The following ANKFY1 variants were observed in gnomAD, a reference collection of about 807,000 sequenced individuals.
The protein encoded by ANKFY1 is ankyrin repeat and FYVE domain-containing protein 1.
Under a neutral mutation model 128.3 loss-of-function variants are expected in ANKFY1, and 47 were observed. The ratio of observed to expected loss-of-function variants is 0.37; its 90% confidence interval spans 0.29 to 0.47. The LOEUF (loss-of-function observed/expected upper bound fraction) is 0.47, where lower values mean the gene tolerates loss of function less well. ANKFY1 is among the 20% of genes least tolerant of loss of function. The probability of loss-of-function intolerance (pLI) is 1.00; values close to 1 mark genes in which losing one functional copy is unlikely to be tolerated. For missense variants in ANKFY1, 1,222 were observed against 1,510.6 expected, an observed-to-expected ratio of 0.81 and a Z score of 3.17; for synonymous variants, 553 against 601.6, an observed-to-expected ratio of 0.92 and a Z score of 1.18.
At position 4,184,867 on chromosome 17, in the gene ANKFY1, C is replaced by A; in HGVS notation, c.1650G>T (p.Ala550=). ...SVHLQTPLHM[A]IAYNHPDVVS... ...CCACATCCGGATGGTTATAGGCGAT[C>A]GCCATGTGCAGTGGCGTCTGCAGAT... Residue 550 remains alanine, a synonymous_variant, in exon 12 of 25, where the codon GCG becomes GCT. Transcript: ENST00000341657. 1 of 1,613,938 alleles carries A rather than the reference C, an allele frequency of 6.2e-7. No individual in the cohort carries two copies. Among genetic ancestry groups the A allele is most frequent in the South Asian group, 1.1e-5 (1 of 91,078 alleles).
At chr17:4,192,785 T>C (rs537058971) in intron 10 of ANKFY1, among the ~76,000 whole-genome samples, 1 of 152,338 alleles carries the variant, frequency 6.6e-6, no homozygotes, top group South Asian at 2.1e-4. Flanking sequence ...CCGGGTGCAG[T>C]GGTGTTTAAA....
rs566383224 is a variant in ANKFY1 at position 4,180,897 on chromosome 17, C to T, written c.2240+357G>A. ...TCCAAGGGGGCCACAGAGCCTGTTA[C>T]GACTCACACATCGTGGTGGGGTCCT... On this transcript the variant is annotated intron_variant, in intron 16 of 24. Transcript: ENST00000341657. 9.2e-5 allele frequency: 18 copies of T among 196,422 alleles called. No individual in the cohort carries two copies. The South Asian group carries it at 1.3e-3, about 14-fold the overall frequency. 12.2% of individuals were successfully genotyped at this position (196,422 alleles called of 1,614,324 possible).
chr17:4,182,020 T>C (rs2059524892), intron 15 of ANKFY1, among the ~76,000 whole-genome samples, 161 bp downstream of exon 15: 1 of 152,230 alleles, frequency 6.6e-6, no homozygotes, highest in Non-Finnish European at 1.5e-5. Flanking sequence ...CAAGACCATG[T>C]TGAACTGCAA....
intron 7 of ANKFY1, among the ~76,000 whole-genome samples, chr17:4,202,844 T>C (rs1370479392): frequency 6.6e-6 from 1 of 151,300 alleles, no homozygotes; most frequent in Non-Finnish European, 1.5e-5. Context: ...AATGACTGGA[T>C]TCAGATGGAT....
intron 3 of ANKFY1, chr17:4,223,915 T>C (rs2143127954): frequency 1.6e-6 from 1 of 627,372 alleles, no homozygotes; most frequent in Non-Finnish European, 2.8e-6. Flanking sequence ...AGAAGCACAT[T>C]TGTCTTCCAG....
intron 8 of ANKFY1, among the ~76,000 whole-genome samples, chr17:4,196,322 A>G (rs940223161): frequency 6.6e-6 from 1 of 152,124 alleles, no homozygotes; most frequent in Non-Finnish European, 1.5e-5. Context: ...TTATTTACGT[A>G]CTTATCTATC....
rs1372737823 is a variant in ANKFY1, at chr17:4,167,993, G to C, written c.3378-82C>G. On this transcript the variant is annotated intron_variant, in intron 24 of 24. Coordinates refer to ENST00000341657, the MANE Select transcript of ANKFY1 (RefSeq NM_001330063.2). This position sits in a 1 kb window ranked among gnomAD's most constrained non-coding sequence, Gnocchi z 4.1. ...TGGCACGTGAGGACAACCGCAGCAG[G>C]GCCTGGCAGCCAAGGCGCCCGCAAT... is the stretch of plus-strand genomic sequence containing the variant. The C allele has an allele frequency of 1.3e-6, 2 of 1,488,290 alleles. No individual in the cohort carries two copies. The highest frequency in any genetic ancestry group is 1.3e-5 in the South Asian group (1 of 74,766). 92.2% of individuals were successfully genotyped at this position (1,488,290 alleles called of 1,614,324 possible).
chr17:4,170,601 C>A, intron 23 of ANKFY1, 114 bp downstream of exon 23: 1 of 1,419,676 alleles, frequency 7.0e-7, no homozygotes, highest in Non-Finnish European at 9.5e-7. Context: ...TGCCAGGAAA[C>A]GAGCGGTTCC....
chr17:4,187,164 C>A, intron 11 of ANKFY1: 1 of 506,064 alleles, frequency 2.0e-6, no homozygotes. Context: ...CAAGCTTCCC[C>A]TCCAAGTTCC....
rs568426352 is a variant in ANKFY1 at position 4,186,757 on chromosome 17, C to T, written c.1471-1711G>A. On this transcript the variant is annotated intron_variant, in intron 11 of 24. Coordinates refer to ENST00000341657, the MANE Select transcript of ANKFY1 (RefSeq NM_001330063.2). ...GGGGCTGTCTTCTGTTCCAGACCTT[C>T]TTCCTACGCATTCTCCTTGGGTGTG... 2.5e-5 allele frequency: 24 copies of T among 956,060 alleles called. 1 individual carries two copies. Among genetic ancestry groups the T allele is most frequent in the African/African-American group, 1.8e-4 (10 of 56,718 alleles). The allele number at this position is 956,060 out of a possible 1,614,324, so 59.2% of individuals were successfully genotyped here.
chr17:4,263,841 C>G (rs1490665856), intron 1 of ANKFY1, 91 bp downstream of exon 1: 2 of 1,611,584 alleles, frequency 1.2e-6, no homozygotes, highest in South Asian at 1.1e-5. Context: ...TGCAACCACG[C>G]CCGGCCTTCC....
intron 2 of ANKFY1, among the ~76,000 whole-genome samples, chr17:4,240,385 T>C (rs149438495): frequency 6.3e-5 from 8 of 127,782 alleles, no homozygotes; most frequent in Non-Finnish European, 1.0e-4. Flanking sequence ...TGTTAATCTT[T>C]ATTTATTTAT....
At chr17:4,222,342 T>C in intron 3 of ANKFY1, 1 of 760,544 alleles carries the variant, frequency 1.3e-6, no homozygotes, top group Non-Finnish European at 2.5e-6. Context: ...ATGTGACAAA[T>C]GACCTTATTA....
At chr17:4,260,825 C>A (rs918723528) in intron 1 of ANKFY1, among the ~76,000 whole-genome samples, 1 of 152,092 alleles carries the variant, frequency 6.6e-6, no homozygotes, top group Non-Finnish European at 1.5e-5. Flanking sequence ...CAGTCTCTCA[C>A]GATCCTATTT....
intron 22 of ANKFY1, among the ~76,000 whole-genome samples, chr17:4,171,565 A>AG (rs1461933004): frequency 6.6e-6 from 1 of 152,194 alleles, no homozygotes; most frequent in African/African-American, 2.4e-5. Flanking sequence ...ACCCTGCTAG[A>AG]ATGCGACAGG....
chr17:4,230,690 G>A (rs1365540197), intron 3 of ANKFY1, among the ~76,000 whole-genome samples: 2 of 152,104 alleles, frequency 1.3e-5, no homozygotes, highest in Non-Finnish European at 2.9e-5. Context: ...TGTATGACAT[G>A]TTTTGATATA....
chr17:4,257,511 C>A (rs1477064814), intron 1 of ANKFY1, among the ~76,000 whole-genome samples: 1 of 152,160 alleles, frequency 6.6e-6, no homozygotes, highest in East Asian at 1.9e-4. Flanking sequence ...GTGACCTCTC[C>A]TCAATCTCAT....
chr17:4,240,871 C>T (rs1021340908), intron 2 of ANKFY1, among the ~76,000 whole-genome samples: 1 of 152,158 alleles, frequency 6.6e-6, no homozygotes, highest in Non-Finnish European at 1.5e-5. Context: ...AAACTGGCCC[C>T]CTCCCTGTCA....
intron 1 of ANKFY1, among the ~76,000 whole-genome samples, chr17:4,254,303 CAAAAAAAAAAAAAAAAA>C (rs572606909): frequency 1.1e-4 from 9 of 81,924 alleles, no homozygotes; most frequent in Admixed American, 4.1e-4. Flanking sequence ...GACTCCATCT[CAAAAAAAAAAAAAAAAA>C]AAAAAAAAAA....
Sources: allele counts gnomAD v4.1 joint callset (sites outside exome capture counted in the v4.1 genomes callset), GRCh38; gene constraint gnomAD v4.1.1; non-coding constraint Gnocchi (gnomAD v3.1); transcripts MANE v1.5; gene names NCBI Gene and HGNC (gene_info 2026-07-23, HGNC 2026-07-21).